Variants in SLC22A9 observed in about 807,000 individuals in gnomAD.
SLC22A9 encodes organic anion transporter 7.
Under a neutral mutation model 50.1 loss-of-function variants are expected in SLC22A9, and 64 were observed. The ratio of observed to expected loss-of-function variants is 1.28; its 90% CI spans 1.04 to 1.57. The LOEUF is 1.57. Ranked by LOEUF, SLC22A9 falls within the 40% of genes most tolerant of loss-of-function variation. The pLI is 0.00. For missense variants in SLC22A9, 757 were observed against 676.1 expected, an observed-to-expected ratio of 1.12 and a Z score of -1.33; for synonymous variants, 261 against 242.5, an observed-to-expected ratio of 1.08 and a Z score of -0.71.
At chr11:63,385,428 T>C (rs1480709795) in intron 6 of SLC22A9, among the ~76,000 whole-genome samples, 2 of 152,194 alleles carry the variant, frequency 1.3e-5, no homozygotes, top group Admixed American at 6.5e-5. Flanking sequence ...TCCATGAAGA[T>C]GGAATGTTTT....
At chr11:63,376,702 T>C (rs1282600458) in intron 5 of SLC22A9, among the ~76,000 whole-genome samples, 1 of 151,956 alleles carries the variant, frequency 6.6e-6, no homozygotes, top group Non-Finnish European at 1.5e-5. Flanking sequence ...TATCCTTACA[T>C]ATTAATATTA....
At chr11:63,383,516 G>C (rs536872647) in intron 6 of SLC22A9, among the ~76,000 whole-genome samples, 1 of 152,200 alleles carries the variant, frequency 6.6e-6, no homozygotes, top group African/African-American at 2.4e-5. Context: ...ATCTCTATTT[G>C]GGTTGATTGG....
In SLC22A9 at chr11:63,374,084, T is replaced by A. The variant is rs755013804; in HGVS notation, c.830+22T>A. ...CAAGGTATGAGTTTGTTTCTTCTTT[T>A]GTCTTAATGAGATATTGGAATGAGA... On this transcript the variant is annotated intron_variant, in intron 4 of 9. Coordinates refer to ENST00000279178, the MANE Select transcript of SLC22A9 (RefSeq NM_080866.3). 5.7e-6 allele frequency: 9 copies of A among 1,584,258 alleles called. No homozygotes were observed. The East Asian group carries it at 1.8e-4, about 32-fold the overall frequency.
chr11:63,408,613 A>T, intron 8 of SLC22A9, 63 bp from the exon 9 acceptor site: 1 of 1,459,214 alleles, frequency 6.9e-7, no homozygotes, highest in Admixed American at 1.8e-5. Flanking sequence ...GCAAAATGAT[A>T]AATCACAAAT....
intron 6 of SLC22A9, among the ~76,000 whole-genome samples, chr11:63,396,692 C>T (rs2014864201): frequency 6.6e-6 from 1 of 152,134 alleles, no homozygotes; most frequent in African/African-American, 2.4e-5. Context: ...TTTTCAACTC[C>T]AAAATTTCTG....
chr11:63,385,562 A>T (rs550268028), intron 6 of SLC22A9, among the ~76,000 whole-genome samples: 2 of 151,882 alleles, frequency 1.3e-5, no homozygotes, highest in Non-Finnish European at 2.9e-5. Flanking sequence ...GCAATTGTGA[A>T]TGGGAGTTTA....
At chr11:63,385,114 T>TG (rs2014640600) in intron 6 of SLC22A9, among the ~76,000 whole-genome samples, 2 of 139,384 alleles carry the variant, frequency 1.4e-5, no homozygotes, top group African/African-American at 5.0e-5. Context: ...CAGTTTTTTT[T>TG]TTTTTTTTTT....
chr11:63,399,581 C>A (rs577392933), intron 6 of SLC22A9, among the ~76,000 whole-genome samples: 2 of 152,124 alleles, frequency 1.3e-5, no homozygotes, highest in East Asian at 1.9e-4. Context: ...AAGAGATAGA[C>A]CCCAGTACAA....
At chr11:63,376,877 CA>C (rs1387400599) in intron 5 of SLC22A9, among the ~76,000 whole-genome samples, 1 of 151,096 alleles carries the variant, frequency 6.6e-6, no homozygotes, top group Non-Finnish European at 1.5e-5. Context: ...AAATGGAAAA[CA>C]AAAAAAGAGC....
chr11:63,392,211 T>C (rs576570149), intron 6 of SLC22A9, among the ~76,000 whole-genome samples: 2 of 152,110 alleles, frequency 1.3e-5, no homozygotes, highest in African/African-American at 4.8e-5. Context: ...TATTGTTTCA[T>C]CTTTTAATCT....
intron 6 of SLC22A9, among the ~76,000 whole-genome samples, chr11:63,402,915 T>C (rs557990684): frequency 1.2e-4 from 19 of 152,268 alleles, no homozygotes; most frequent in African/African-American, 4.3e-4. Context: ...CCTTTCACCA[T>C]TTTTTGAAGT....
chr11:63,403,603 T>C (rs2014986996), intron 6 of SLC22A9, among the ~76,000 whole-genome samples: 1 of 152,000 alleles, frequency 6.6e-6, no homozygotes, highest in Non-Finnish European at 1.5e-5. Context: ...AACTGAAAAC[T>C]CTTCCTTTAA....
At chr11:63,402,067 T>C (rs1591027253) in intron 6 of SLC22A9, among the ~76,000 whole-genome samples, 1 of 152,146 alleles carries the variant, frequency 6.6e-6, no homozygotes, top group South Asian at 2.1e-4. Flanking sequence ...AGGTTGTCTG[T>C]TTACTCTGGT....
At chr11:63,400,810 C>A (rs2014940011) in intron 6 of SLC22A9, among the ~76,000 whole-genome samples, 1 of 152,048 alleles carries the variant, frequency 6.6e-6, no homozygotes, top group Non-Finnish European at 1.5e-5. Context: ...TCATCACGAC[C>A]AAGTGTGATT....
chr11:63,406,939 A>G (rs1446854423), intron 7 of SLC22A9, among the ~76,000 whole-genome samples: 1 of 152,198 alleles, frequency 6.6e-6, no homozygotes, highest in African/African-American at 2.4e-5. Flanking sequence ...CATATTCAAC[A>G]AATACTAAGA....
intron 6 of SLC22A9, among the ~76,000 whole-genome samples, chr11:63,386,423 G>A (rs375799464): frequency 7.8e-6 from 1 of 128,068 alleles, no homozygotes; most frequent in Admixed American, 8.4e-5. Context: ...ATAAATCCAC[G>A]TGGACCTGGA....
At chr11:63,394,097 T>C (rs886743644) in intron 6 of SLC22A9, among the ~76,000 whole-genome samples, 4 of 152,168 alleles carry the variant, frequency 2.6e-5, no homozygotes, top group Admixed American at 6.6e-5. Context: ...CTATTGATAC[T>C]TGTGTATGCT....
chr11:63,373,565 T>C (rs1565181005), intron 2 of SLC22A9, 79 bp from the exon 3 acceptor site: 2 of 1,384,884 alleles, frequency 1.4e-6, no homozygotes, highest in Non-Finnish European at 1.9e-6. Context: ...CTTTTAAGTT[T>C]CAAAGTGTGC....
At chr11:63,377,271 T>C (rs1384530903) in intron 5 of SLC22A9, among the ~76,000 whole-genome samples, 1 of 152,044 alleles carries the variant, frequency 6.6e-6, no homozygotes, top group Non-Finnish European at 1.5e-5. Context: ...ACATGACACA[T>C]GCTCTCAAAT....
Sources: gnomAD v4.1 joint callset for allele counts (sites outside exome capture counted in the v4.1 genomes callset) on GRCh38, gnomAD v4.1.1 for gene constraint, MANE v1.5 for transcripts, NCBI Gene and HGNC (gene_info 2026-07-23, HGNC 2026-07-21) for gene names.